ADA: variants seen among roughly 807,000 people sequenced by gnomAD.
The protein encoded by ADA is adenosine aminohydrolase.
A neutral mutation model predicts 49.0 loss-of-function variants in ADA; 45 were observed. The ratio of observed to expected loss-of-function variants is 0.92; its 90% confidence interval spans 0.72 to 1.18. ADA has a LOEUF of 1.18. Ranked by LOEUF, ADA falls within the 50% of genes most tolerant of loss-of-function variation. The pLI is 0.00. For synonymous variants in ADA, 173 were observed against 184.2 expected (o/e 0.94, Z 0.49); for missense variants, 445 against 472.5 (o/e 0.94, Z 0.54).
chr20:44,641,797 T>G (rs2065538080), intron 1 of ADA, among the ~76,000 whole-genome samples: 1 of 151,454 alleles, frequency 6.6e-6, no homozygotes, highest in Non-Finnish European at 1.5e-5. Flanking sequence ...AGATGGAGTC[T>G]GGCTCTGTTG....
At position 44,636,234 on chromosome 20, in the gene ADA, A is replaced by G. The variant is rs775324175; in HGVS notation, c.88T>C (p.Tyr30His). ...TCTTCTGTATGGACTTACCTGCCAT[A>G]GTATAAGATGGTTTCAGGCTTGATG... ...GSIKPETILY[Y>H]GRRRGIALPA... The change falls in exon 2 of 12, where the codon TAT becomes CAT. Residue 30 changes from tyrosine (Y) to histidine (H), a missense_variant. Transcript: ENST00000372874. The G allele has an allele frequency of 1.9e-6, 3 of 1,610,318 alleles. No individual in the cohort carries two copies. Among genetic ancestry groups the G allele is most frequent in the African/African-American group, 1.3e-5 (1 of 74,894 alleles).
rs2065478267 is a variant in ADA at position 44,636,200 on chromosome 20, A to C, written c.95+27T>G. Reference sequence around the variant, plus strand: ...TGGGGACCCCACTCAAATCCCAGGGAGAGAGGGCTCTTCTGTATGGACTTA... The same window carrying C: ...TGGGGACCCCACTCAAATCCCAGGGCGAGAGGGCTCTTCTGTATGGACTTA... On this transcript the variant is annotated intron_variant, in intron 2 of 11. Coordinates refer to ENST00000372874, the MANE Select transcript of ADA (RefSeq NM_000022.4). 2.5e-6 allele frequency: 4 copies of C among 1,593,636 alleles called. No individual in the cohort carries two copies. The East Asian group carries it at 6.7e-5, about 27-fold the overall frequency.
intron 2 of ADA, among the ~76,000 whole-genome samples, chr20:44,631,239 T>A (rs1020115849): frequency 1.3e-5 from 2 of 151,880 alleles, no homozygotes; most frequent in African/African-American, 4.8e-5. Context: ...CACCAAGGGG[T>A]CATGCTGGTG....
Position 44,623,047 on chromosome 20 carries a change from A to C in ADA, c.638T>G (p.Val213Gly). Residue 213 changes from valine (V) to glycine (G), a missense_variant, in exon 7 of 12, where the codon GTC becomes GGC. Transcript: ENST00000372874. The stretch of plus-strand genomic sequence containing the variant: ...GGCCGAGCCCACCTCCCCGGCGTGG[A>C]CAGTACGGTGAATGCCGCTCTTCAC... ...EAVKSGIHRT[V>G]HAGEVGSAEV... 6.2e-7 allele frequency: 1 copy of C among 1,614,104 alleles called. No individual in the cohort carries two copies. Among genetic ancestry groups the C allele is most frequent in the Non-Finnish European group, 8.5e-7 (1 of 1,179,992 alleles).
chr20:44,645,177 G>A (rs2065577880), intron 1 of ADA, among the ~76,000 whole-genome samples: 1 of 152,048 alleles, frequency 6.6e-6, no homozygotes, highest in Non-Finnish European at 1.5e-5. Context: ...GAGGCCAGGA[G>A]TTTGAGACCT....
At chr20:44,633,332 C>G (rs1315708307) in intron 2 of ADA, among the ~76,000 whole-genome samples, 1 of 152,198 alleles carries the variant, frequency 6.6e-6, no homozygotes, top group African/African-American at 2.4e-5. Flanking sequence ...GTTTGAATCC[C>G]AGCTCTGTGA....
Position 44,622,992 on chromosome 20 carries a change from A to T in ADA, c.678+15T>A. The T allele has an allele frequency of 6.2e-7, 1 of 1,614,224 alleles. No individual in the cohort carries two copies. The highest frequency in any genetic ancestry group is 8.5e-7 in the Non-Finnish European group (1 of 1,180,040). ...GGCAGTGAGGAGGGACCCCATGGCC[A>T]GCCCAGGCCCTCACCTCTTTTACTA... On this transcript the variant is annotated intron_variant, in intron 7 of 11. Coordinates refer to ENST00000372874, the MANE Select transcript of ADA (RefSeq NM_000022.4).
At chr20:44,623,171 T>G in intron 6 of ADA, 93 bp from the exon 7 acceptor site, 1 of 1,569,928 alleles carries the variant, frequency 6.4e-7, no homozygotes, top group Non-Finnish European at 8.7e-7. Context: ...ACCATCCTAG[T>G]CATGCTGCCT....
chr20:44,635,690 G>A (rs1193858320), intron 2 of ADA, among the ~76,000 whole-genome samples: 1 of 152,184 alleles, frequency 6.6e-6, no homozygotes, highest in Admixed American at 6.5e-5. Flanking sequence ...CTTGAGGTCA[G>A]GAGTTCGAGA....
At chr20:44,646,106 C>T (rs926881883) in intron 1 of ADA, among the ~76,000 whole-genome samples, 20 of 152,316 alleles carry the variant, frequency 1.3e-4, no homozygotes, top group African/African-American at 4.8e-4. Flanking sequence ...CCCTTCAAGA[C>T]ACCTGAGCAG....
chr20:44,636,152 C>A, intron 2 of ADA, 75 bp downstream of exon 2: 1 of 1,325,440 alleles, frequency 7.5e-7, no homozygotes, highest in South Asian at 1.2e-5. Context: ...CCCTGGAATT[C>A]CCCAGGGGCC....
chr20:44,638,084 C>T (rs184111352), intron 1 of ADA, among the ~76,000 whole-genome samples: 3 of 152,260 alleles, frequency 2.0e-5, no homozygotes, highest in African/African-American at 4.8e-5. Context: ...GAGCATCATG[C>T]GGTTAGAGCT....
At chr20:44,632,940 C>T (rs1171902894) in intron 2 of ADA, among the ~76,000 whole-genome samples, 3 of 152,214 alleles carry the variant, frequency 2.0e-5, no homozygotes, top group Admixed American at 6.5e-5. Context: ...GTGATCCACC[C>T]GCCTTGGCCT....
chr20:44,647,147 T>A (rs1421602766), intron 1 of ADA, among the ~76,000 whole-genome samples: 1 of 152,032 alleles, frequency 6.6e-6, no homozygotes, highest in African/African-American at 2.4e-5. Flanking sequence ...GAAACTGCTG[T>A]CCCTTGGCCG....
intron 1 of ADA, among the ~76,000 whole-genome samples, chr20:44,641,775 T>G (rs191967925): frequency 1.9e-3 from 285 of 151,320 alleles, no homozygotes; most frequent in East Asian, 3.7e-3. Flanking sequence ...TGTTGTTGTT[T>G]TTTTTTTTTT....
chr20:44,620,431 G>C (rs1468802580), intron 10 of ADA, 30 bp from the exon 11 acceptor site: 9 of 1,576,040 alleles, frequency 5.7e-6, no homozygotes, highest in Admixed American at 1.7e-5. Context: ...AGACAACATG[G>C]AACCAGAGAA....
At position 44,619,687 on chromosome 20, in the gene ADA, T is replaced by C. The variant is rs2065309073; in HGVS notation, c.*147A>G. ...GCGGCCATGCCGAGGTATACGTGTG[T>C]GCAGAAATGGACACATAGGGTTCAG... On this transcript the variant is annotated 3_prime_UTR_variant, in exon 12 of 12. Transcript: ENST00000372874. 2 of 1,076,570 alleles carry C rather than the reference T, an allele frequency of 1.9e-6. No individual in the cohort carries two copies. The highest frequency in any genetic ancestry group is 2.8e-6 in the Non-Finnish European group (2 of 704,616). The allele number at this position is 1,076,570 out of a possible 1,614,324, so 66.7% of individuals were successfully genotyped here. A position where few individuals can be genotyped will look rare whatever the true frequency, so the allele number is the denominator to read the frequency against.
chr20:44,619,877 T>C (rs1172487557), intron 11 of ADA, 30 bp from the exon 12 acceptor site: 2 of 1,614,002 alleles, frequency 1.2e-6, no homozygotes. Context: ...AGCAAAAAGA[T>C]CAGGCAACTT....
At chr20:44,623,188 A>G in intron 6 of ADA, 110 bp from the exon 7 acceptor site, 3 of 1,504,494 alleles carry the variant, frequency 2.0e-6, no homozygotes, top group South Asian at 1.2e-5. Context: ...GCCTGCTTCA[A>G]CAGCATGGGG....
Sources: gnomAD v4.1 joint callset for allele counts (sites outside exome capture counted in the v4.1 genomes callset) on GRCh38, gnomAD v4.1.1 for gene constraint, MANE v1.5 for transcripts, NCBI Gene and HGNC (gene_info 2026-07-23, HGNC 2026-07-21) for gene names.